FAM222B: variants seen among roughly 807,000 people sequenced by gnomAD.
FAM222B encodes the protein protein FAM222B.
FAM222B carries 12 observed loss-of-function variants against 38.0 expected under a neutral mutation model. The ratio of observed to expected loss-of-function variants is 0.32; its 90% confidence interval spans 0.20 to 0.51. The LOEUF (loss-of-function observed/expected upper bound fraction) is 0.51. FAM222B is among the 20% of genes least tolerant of loss of function. The probability of loss-of-function intolerance (pLI) is 0.97; values close to 1 mark genes in which losing one functional copy is unlikely to be tolerated. For synonymous variants in FAM222B, 329 were observed against 317.2 expected (o/e 1.04, Z -0.40); for missense variants, 716 against 754.2 (o/e 0.95, Z 0.59).
chr17:28,851,761 G>C (rs1379792150), intron 1 of FAM222B, among the ~76,000 whole-genome samples: 2 of 151,164 alleles, frequency 1.3e-5, no homozygotes, highest in Non-Finnish European at 2.9e-5. Flanking sequence ...TGTAATCCCA[G>C]CTACTCGGGA....
At position 28,758,537 on chromosome 17, in the gene FAM222B, C is replaced by T. The variant is rs376696824; in HGVS notation, c.1422G>A (p.Pro474=). The change falls in exon 3 of 3, where the codon CCG becomes CCA. Residue 474 remains proline (P), a synonymous_variant. Coordinates refer to ENST00000581407, the MANE Select transcript of FAM222B (RefSeq NM_001077498.3). The part of the protein sequence containing the change: ...DSSGSQDLAM[P]FHGGQPTGAP... ...CACCTGTGGGCTGCCCACCGTGGAA[C>T]GGCATGGCAAGGTCCTGAGACCCCG... 20 of 1,610,544 alleles carry T rather than the reference C, an allele frequency of 1.2e-5. No homozygotes were observed. The highest frequency in any genetic ancestry group is 1.6e-4 in the Middle Eastern group (1 of 6,084).
chr17:28,776,026 A>G (rs1038705357), intron 1 of FAM222B, among the ~76,000 whole-genome samples: 6 of 150,162 alleles, frequency 4.0e-5, no homozygotes, highest in African/African-American at 7.4e-5. Context: ...CAGTATGCCA[A>G]GATCATGCCA....
intron 1 of FAM222B, among the ~76,000 whole-genome samples, chr17:28,791,179 G>A (rs953361864): frequency 6.6e-6 from 1 of 151,806 alleles, no homozygotes; most frequent in African/African-American, 2.4e-5. Context: ...CAAAAGCTGG[G>A]ATTACAGGTG....
Position 28,757,267 on chromosome 17 carries a change from ACT to A in FAM222B, c.*1001_*1002del, listed in dbSNP as rs1327081818. The A allele has an allele frequency of 6.6e-6, 1 of 152,508 alleles. No homozygotes were observed. Among genetic ancestry groups the A allele is most frequent in the Non-Finnish European group, 1.5e-5 (1 of 68,024 alleles). 9.4% of individuals were successfully genotyped at this position (152,508 alleles called of 1,614,324 possible). A position where few individuals can be genotyped will look rare whatever the true frequency, so the allele number is the denominator to read the frequency against. ...AGAGGGTGAATGTACCTGTGGGGCC[ACT>A]CACACACAATGCTACTCAAACCCAC... On this transcript the variant is annotated 3_prime_UTR_variant, in exon 3 of 3. Transcript: ENST00000581407.
At position 28,757,758 on chromosome 17, in the gene FAM222B, G is replaced by A. The variant is rs1156415068; in HGVS notation, c.*512C>T. 6.5e-6 allele frequency: 1 copy of A among 153,670 alleles called. No individual in the cohort carries two copies. The highest frequency in any genetic ancestry group is 6.4e-5 in the Admixed American group (1 of 15,544). 9.5% of individuals were successfully genotyped at this position (153,670 alleles called of 1,614,324 possible). A position where few individuals can be genotyped will look rare whatever the true frequency, so the allele number is the denominator to read the frequency against. On this transcript the variant is annotated 3_prime_UTR_variant, in exon 3 of 3. Transcript: ENST00000581407. ...TGGAAAGGAACTTGAAGGATATGAA[G>A]ACTGGGTCAGCTTTGATTTGAGATC...
chr17:28,853,685 GATGTAT>G (rs2039200139), intron 1 of FAM222B, among the ~76,000 whole-genome samples: 1 of 152,150 alleles, frequency 6.6e-6, no homozygotes, highest in Admixed American at 6.6e-5. Flanking sequence ...TTTGTTCACT[GATGTAT>G]TCCCAGCACA....
At chr17:28,813,429 A>G (rs768531736) in intron 1 of FAM222B, among the ~76,000 whole-genome samples, 2 of 152,234 alleles carry the variant, frequency 1.3e-5, no homozygotes, top group East Asian at 1.9e-4. Flanking sequence ...TATAAAGTAT[A>G]TAACTGGTAT....
chr17:28,756,632 C>T lies in FAM222B; in HGVS notation c.*1638G>A, dbSNP rs2034708334. ...TACAGGTGCTCCTGGGGGATCAGGA[C>T]AGGGAGGTACCAGTGTTCACAGACG... On this transcript the variant is annotated 3_prime_UTR_variant, in exon 3 of 3. Coordinates refer to ENST00000581407, the MANE Select transcript of FAM222B (RefSeq NM_001077498.3). The T allele has an allele frequency of 6.6e-6, 1 of 152,364 alleles. No individual in the cohort carries two copies. Among genetic ancestry groups the T allele is most frequent in the African/African-American group, 2.4e-5 (1 of 41,350 alleles). The allele number at this position is 152,364 out of a possible 1,614,324, so 9.4% of individuals were successfully genotyped here.
chr17:28,822,574 C>T (rs1353839176), intron 1 of FAM222B, among the ~76,000 whole-genome samples: 4 of 149,798 alleles, frequency 2.7e-5, no homozygotes, highest in Non-Finnish European at 5.9e-5. Flanking sequence ...TGGAAAGAGC[C>T]GAGATTGCAC....
intron 2 of FAM222B, 149 bp downstream of exon 2, chr17:28,766,437 A>C (rs1250589270): frequency 1.6e-6 from 1 of 641,866 alleles, no homozygotes; most frequent in African/African-American, 1.8e-5. Flanking sequence ...AGCCTGGGTG[A>C]CAAGAGCAAG....
chr17:28,844,233 C>T (rs2039123348), upstream of FAM222B, among the ~76,000 whole-genome samples: 1 of 152,152 alleles, frequency 6.6e-6, no homozygotes, highest in African/African-American at 2.4e-5. Flanking sequence ...ATCACCATGG[C>T]TCTTTTTTCT....
At chr17:28,797,336 T>C (rs935289150) in intron 1 of FAM222B, among the ~76,000 whole-genome samples, 5 of 152,074 alleles carry the variant, frequency 3.3e-5, no homozygotes, top group Non-Finnish European at 7.4e-5. Context: ...AGATCTCAAA[T>C]GAGCATGTCA....
Position 28,758,261 on chromosome 17 carries a change from C to G in FAM222B, c.*9G>C. 6.4e-7 allele frequency: 1 copy of G among 1,551,392 alleles called. No homozygotes were observed. Among genetic ancestry groups the G allele is most frequent in the African/African-American group, 1.4e-5 (1 of 72,870 alleles). ...ATGATGTGTTGCACGTGGAGGGCAG[C>G]AGGGCTACCTATCTATACCCTGGGT... On this transcript the variant is annotated 3_prime_UTR_variant, in exon 3 of 3. Transcript: ENST00000581407.
upstream of FAM222B, among the ~76,000 whole-genome samples, chr17:28,844,449 G>T (rs2039126432): frequency 6.6e-6 from 1 of 151,668 alleles, no homozygotes; most frequent in Admixed American, 6.6e-5. Flanking sequence ...CATGAGGTCA[G>T]GAGATCGAGA....
intron 1 of FAM222B, among the ~76,000 whole-genome samples, chr17:28,802,137 C>CAATG (rs1423010246): frequency 6.7e-6 from 1 of 149,286 alleles, no homozygotes; most frequent in African/African-American, 2.5e-5. Flanking sequence ...GGCCCAGGTG[C>CAATG]AATGGTGTGA....
chr17:28,796,729 A>AG (rs1483418622), intron 1 of FAM222B, among the ~76,000 whole-genome samples: 2 of 152,256 alleles, frequency 1.3e-5, no homozygotes, highest in East Asian at 3.9e-4. Context: ...ATTAAAAAAA[A>AG]AAAGAAAGAA....
chr17:28,796,741 G>A (rs1428283012), intron 1 of FAM222B, among the ~76,000 whole-genome samples: 2 of 151,856 alleles, frequency 1.3e-5, no homozygotes, highest in Non-Finnish European at 1.5e-5. Flanking sequence ...AAGAAAGAAA[G>A]AAAGTGGACC....
intron 1 of FAM222B, among the ~76,000 whole-genome samples, chr17:28,806,618 C>T (rs1325650815): frequency 6.6e-6 from 1 of 152,140 alleles, no homozygotes; most frequent in Non-Finnish European, 1.5e-5. Flanking sequence ...AATAAAATCA[C>T]CTTCAAGTTG....
chr17:28,822,833 ATATATAT>A (rs1348392935), intron 1 of FAM222B, among the ~76,000 whole-genome samples: 2 of 40,996 alleles, frequency 4.9e-5, no homozygotes, highest in African/African-American at 2.8e-4. Context: ...AAAAAAAAAA[ATATATAT>A]ATATATATAT....
Sources: gnomAD v4.1 joint callset for allele counts (sites outside exome capture counted in the v4.1 genomes callset) on GRCh38, gnomAD v4.1.1 for gene constraint, MANE v1.5 for transcripts, NCBI Gene and HGNC (gene_info 2026-07-23, HGNC 2026-07-21) for gene names.